ST7: variants seen among roughly 807,000 people sequenced by gnomAD.
ST7 encodes suppressor of tumorigenicity 7 protein.
ST7 carries 28 observed loss-of-function variants against 78.7 expected under a neutral mutation model. The ratio of observed to expected loss-of-function variants is 0.36; its 90% confidence interval spans 0.26 to 0.49. The LOEUF is 0.49. Among genes scored for constraint, ST7 ranks in the 20% least tolerant of loss-of-function variants. ST7 has a pLI of 0.99. For synonymous variants in ST7, 247 were observed against 249.6 expected, an observed-to-expected ratio of 0.99 and a Z score of 0.10; for missense variants, 418 against 696.0, an observed-to-expected ratio of 0.60 and a Z score of 4.49.
chr7:117,113,753 G>A (rs1387477526), intron 2 of ST7, among the ~76,000 whole-genome samples: 2 of 152,184 alleles, frequency 1.3e-5, no homozygotes, highest in Admixed American at 1.3e-4. Flanking sequence ...TTATCTGGGA[G>A]CTTGTTTAAA....
chr7:117,152,205 A>G (rs1279627416), intron 9 of ST7, among the ~76,000 whole-genome samples: 3 of 96,264 alleles, frequency 3.1e-5, no homozygotes, highest in Non-Finnish European at 7.2e-5. Context: ...ATATATATAT[A>G]TATATATATA....
At position 117,191,026 on chromosome 7, in the gene ST7, T is replaced by TA. The variant is rs1027194844; in HGVS notation, c.1254+97dup. On this transcript the variant is annotated intron_variant, in intron 12 of 15. Transcript: ENST00000323984. ...TGTTGTATCTCAAGTACACCGCTTA[T>TA]AAAAAAATGAATTGCAACCAACAAA... 3.8e-5 allele frequency: 40 copies of TA among 1,045,904 alleles called. 1 individual carries two copies. In the African/African-American group the frequency reaches 6.2e-4, roughly 16 times the overall value. The allele number at this position is 1,045,904 out of a possible 1,614,324, so 64.8% of individuals were successfully genotyped here. A position where few individuals can be genotyped will look rare whatever the true frequency, so the allele number is the denominator to read the frequency against.
intron 1 of ST7, chr7:116,959,262 A>G: frequency 2.1e-6 from 1 of 470,984 alleles, no homozygotes; most frequent in South Asian, 1.6e-5. Context: ...AATTACAACA[A>G]TTCAGTCACA....
chr7:117,137,861 C>T (rs1434253262), intron 8 of ST7, among the ~76,000 whole-genome samples: 1 of 152,048 alleles, frequency 6.6e-6, no homozygotes, highest in Non-Finnish European at 1.5e-5. Context: ...AACTATTTAG[C>T]TTGTCAATTC....
intron 2 of ST7, among the ~76,000 whole-genome samples, chr7:117,107,416 A>G (rs1802063616): frequency 6.6e-6 from 1 of 151,986 alleles, no homozygotes; most frequent in Non-Finnish European, 1.5e-5. Context: ...CACCACATCC[A>G]TACCCATATC....
intron 1 of ST7, chr7:116,954,089 C>G (rs1792305253): frequency 6.6e-6 from 1 of 151,880 alleles, no homozygotes; most frequent in Non-Finnish European, 1.5e-5. Flanking sequence ...AGACCGAGTC[C>G]TTCCTCACGC....
chr7:117,029,309 T>C (rs1345303637), intron 1 of ST7, among the ~76,000 whole-genome samples: 1 of 152,172 alleles, frequency 6.6e-6, no homozygotes, highest in Non-Finnish European at 1.5e-5. Flanking sequence ...TGTAATGGTA[T>C]ATTGTGATTT....
At chr7:117,123,080 T>C (rs1006664146) in intron 3 of ST7, among the ~76,000 whole-genome samples, 5 of 152,166 alleles carry the variant, frequency 3.3e-5, no homozygotes, top group Non-Finnish European at 5.9e-5. Flanking sequence ...CATCATAAGA[T>C]GGCCCTTTGC....
intron 13 of ST7, among the ~76,000 whole-genome samples, chr7:117,211,824 G>A (rs2116062048): frequency 6.6e-6 from 1 of 152,226 alleles, no homozygotes; most frequent in African/African-American, 2.4e-5. Flanking sequence ...GAAACATGAA[G>A]TGAAACAGGG....
intron 15 of ST7, among the ~76,000 whole-genome samples, chr7:117,225,634 C>T (rs1793393284): frequency 6.6e-6 from 1 of 152,178 alleles, no homozygotes. Context: ...CGCAACTGCC[C>T]TAGAGGCTGC....
At chr7:117,224,743 A>G (rs1487439789) in intron 15 of ST7, among the ~76,000 whole-genome samples, 1 of 152,012 alleles carries the variant, frequency 6.6e-6, no homozygotes, top group Non-Finnish European at 1.5e-5. Context: ...AGGTATCTGT[A>G]TTTTTCACAA....
At chr7:117,189,253 T>C in intron 10 of ST7, 68 bp from the exon 11 acceptor site, 3 of 1,019,342 alleles carry the variant, frequency 2.9e-6, no homozygotes, top group Non-Finnish European at 4.5e-6. Flanking sequence ...AAAATGCTAG[T>C]GTATTGAAAA....
chr7:117,144,757 T>TTAATGCTAA (rs1805615998), intron 9 of ST7, among the ~76,000 whole-genome samples: 2 of 152,188 alleles, frequency 1.3e-5, no homozygotes, highest in South Asian at 4.1e-4. Context: ...AGAAAGTCTT[T>TTAATGCTAA]AGCATTAAAA....
At chr7:116,999,105 G>A (rs1301130079) in intron 1 of ST7, among the ~76,000 whole-genome samples, 1 of 152,198 alleles carries the variant, frequency 6.6e-6, no homozygotes. Flanking sequence ...GGTGGAACGT[G>A]GTTGGAACTC....
At chr7:116,973,842 G>A (rs1327482934) in intron 1 of ST7, among the ~76,000 whole-genome samples, 1 of 152,126 alleles carries the variant, frequency 6.6e-6, no homozygotes, top group East Asian at 1.9e-4. Context: ...GTATTTCATT[G>A]CATGAGTATA....
At chr7:117,118,085 G>C (rs1414744164) in intron 2 of ST7, 3 of 152,796 alleles carry the variant, frequency 2.0e-5, no homozygotes, top group Non-Finnish European at 4.4e-5. Flanking sequence ...TTTAACATGT[G>C]ATAATTCACG....
At chr7:117,147,083 T>G (rs758669044) in intron 9 of ST7, among the ~76,000 whole-genome samples, 4 of 152,152 alleles carry the variant, frequency 2.6e-5, no homozygotes, top group African/African-American at 9.7e-5. Flanking sequence ...TGTCTATAGA[T>G]CTCTGCTTCT....
chr7:117,100,810 T>C (rs1268833474), intron 2 of ST7, among the ~76,000 whole-genome samples: 1 of 152,150 alleles, frequency 6.6e-6, no homozygotes, highest in Non-Finnish European at 1.5e-5. Flanking sequence ...GGGACTACTC[T>C]AATAGAATTA....
chr7:116,962,721 C>T (rs1487596307), intron 1 of ST7, among the ~76,000 whole-genome samples: 1 of 152,134 alleles, frequency 6.6e-6, no homozygotes, highest in Non-Finnish European at 1.5e-5. Flanking sequence ...AACATTTTCT[C>T]CCATTCTGTA....
Sources: gnomAD v4.1 joint callset for allele counts (sites outside exome capture counted in the v4.1 genomes callset) on GRCh38, gnomAD v4.1.1 for gene constraint, MANE v1.5 for transcripts, NCBI Gene and HGNC (gene_info 2026-07-23, HGNC 2026-07-21) for gene names.